The following NARS2 variants were observed in gnomAD, a reference collection of about 807,000 sequenced individuals.
NARS2 encodes asparaginyl-tRNA synthetase.
NARS2 carries 60 observed loss-of-function variants against 62.9 expected under a neutral mutation model. The ratio of observed to expected loss-of-function variants is 0.95; its 90% CI spans 0.77 to 1.18. The LOEUF (loss-of-function observed/expected upper bound fraction) is 1.18. NARS2 is among the 50% of genes most tolerant of loss of function. NARS2 has a pLI of 0.00. For missense variants in NARS2, 619 were observed against 576.4 expected, an observed-to-expected ratio of 1.07 and a Z score of -0.76; for synonymous variants, 196 against 200.0, an observed-to-expected ratio of 0.98 and a Z score of 0.17.
intron 11 of NARS2, among the ~76,000 whole-genome samples, chr11:78,460,792 G>A (rs955592261): frequency 1.3e-5 from 2 of 152,208 alleles, no homozygotes; most frequent in African/African-American, 2.4e-5. Context: ...GGCAGTCAAT[G>A]AGTCAGCCCT....
At chr11:78,539,023 A>AAAAAT (rs1483737480) in intron 5 of NARS2, among the ~76,000 whole-genome samples, 3 of 130,360 alleles carry the variant, frequency 2.3e-5, no homozygotes, top group African/African-American at 8.3e-5. Flanking sequence ...AAAAAAAAAA[A>AAAAAT]AAAGATGAGG....
intron 3 of NARS2, among the ~76,000 whole-genome samples, 174 bp downstream of exon 3, chr11:78,568,458 G>A (rs930758054): frequency 6.6e-6 from 1 of 151,952 alleles, no homozygotes; most frequent in African/African-American, 2.4e-5. Flanking sequence ...CTCTCACTAA[G>A]CTATGTACAT....
intron 5 of NARS2, among the ~76,000 whole-genome samples, chr11:78,541,510 T>G (rs1855621067): frequency 6.6e-6 from 1 of 152,108 alleles, no homozygotes; most frequent in Non-Finnish European, 1.5e-5. Context: ...ATTAAAATGC[T>G]TTTAATATTA....
intron 4 of NARS2, among the ~76,000 whole-genome samples, chr11:78,563,847 A>ATATATATAT (rs1390082108): frequency 1.5e-5 from 1 of 66,022 alleles, no homozygotes; most frequent in African/African-American, 6.0e-5. Flanking sequence ...AAAAAAAAAA[A>ATATATATAT]AAAAATATAT....
chr11:78,560,454 A>G (rs57445302), intron 4 of NARS2, among the ~76,000 whole-genome samples: 5,049 of 152,336 alleles, frequency 0.033, 281 homozygotes, highest in African/African-American at 0.11. Context: ...CACACAATGT[A>G]GATGTTTGCA....
intron 5 of NARS2, among the ~76,000 whole-genome samples, chr11:78,545,553 C>A (rs897621654): frequency 5.8e-5 from 8 of 138,898 alleles, no homozygotes; most frequent in African/African-American, 2.0e-4. Flanking sequence ...GAGACAGAGT[C>A]TTGCTCTGTC....
At chr11:78,511,457 C>A (rs1860717586) in intron 6 of NARS2, among the ~76,000 whole-genome samples, 1 of 152,116 alleles carries the variant, frequency 6.6e-6, no homozygotes, top group African/African-American at 2.4e-5. Context: ...GTGGCTTATG[C>A]CTGTAATCCC....
In NARS2 at chr11:78,436,451, C is replaced by T. The variant is rs1028076459; in HGVS notation, c.*219G>A. 4.4e-5 allele frequency: 22 copies of T among 502,174 alleles called. No individual in the cohort carries two copies. In the Middle Eastern group the frequency reaches 1.6e-3, roughly 37 times the overall value. The allele number at this position is 502,174 out of a possible 1,614,324, so 31.1% of individuals were successfully genotyped here. A position where few individuals can be genotyped will look rare whatever the true frequency, so the allele number is the denominator to read the frequency against. ...GGTAATGGATTTGAGAGTCCCCTTG[C>T]TATAAGTACCTCTTCTTGCGGGAGC... On this transcript the variant is annotated 3_prime_UTR_variant, in exon 14 of 14. Coordinates refer to ENST00000281038, the MANE Select transcript of NARS2 (RefSeq NM_024678.6).
intron 11 of NARS2, among the ~76,000 whole-genome samples, chr11:78,448,525 T>C (rs1449974938): frequency 7.2e-5 from 11 of 151,912 alleles, no homozygotes; most frequent in Admixed American, 7.2e-4. Context: ...CACCTGATCT[T>C]GAACCACGAG....
intron 6 of NARS2, among the ~76,000 whole-genome samples, chr11:78,508,420 C>G (rs943116804): frequency 6.6e-6 from 1 of 151,882 alleles, no homozygotes. Flanking sequence ...GAAACCCCGT[C>G]TCTACCAAAG....
chr11:78,530,019 C>T (rs1309063658), intron 5 of NARS2, among the ~76,000 whole-genome samples: 2 of 152,130 alleles, frequency 1.3e-5, no homozygotes, highest in Non-Finnish European at 2.9e-5. Context: ...TCTAAAAATA[C>T]TGCATATCAT....
At chr11:78,516,854 A>C (rs752588003) in intron 6 of NARS2, among the ~76,000 whole-genome samples, 5 of 152,216 alleles carry the variant, frequency 3.3e-5, no homozygotes, top group East Asian at 1.9e-4. Context: ...CAATCCCTAA[A>C]TTGAAAAGCT....
intron 6 of NARS2, among the ~76,000 whole-genome samples, chr11:78,521,020 C>A (rs1861096043): frequency 6.8e-6 from 1 of 146,320 alleles, no homozygotes; most frequent in African/African-American, 2.6e-5. Flanking sequence ...GTCAGTGCCA[C>A]TGCACTCCAG....
rs371573013 is a variant in NARS2, at chr11:78,473,307, T to C, written c.960-3994A>G. ...TATTTCAGTTCTAAGGTAACAGGTA[T>C]TTTCTTTCAACTATGTGAAGATACT... On this transcript the variant is annotated intron_variant, in intron 9 of 13. Transcript: ENST00000281038. Among the ~76,000 whole-genome samples the C allele has an allele frequency of 1.3e-4, 20 of 152,366 alleles. 1 individual carries two copies. The South Asian group carries it at 2.9e-3, about 22-fold the overall frequency.
chr11:78,454,407 T>C (rs1858079376), intron 11 of NARS2, among the ~76,000 whole-genome samples: 1 of 152,186 alleles, frequency 6.6e-6, no homozygotes, highest in Non-Finnish European at 1.5e-5. Context: ...TTAGTTCACA[T>C]GAGAACTGGT....
chr11:78,475,662 T>C (rs1377540025), intron 9 of NARS2, among the ~76,000 whole-genome samples: 1 of 146,582 alleles, frequency 6.8e-6, no homozygotes, highest in Non-Finnish European at 1.5e-5. Context: ...GCGTCTGTGA[T>C]CATAGCTCAC....
intron 4 of NARS2, among the ~76,000 whole-genome samples, chr11:78,563,958 G>A (rs1436811520): frequency 6.8e-6 from 1 of 147,030 alleles, no homozygotes; most frequent in Admixed American, 6.8e-5. Context: ...CTGGAGTGCA[G>A]TGGCGCAGTC....
chr11:78,476,022 T>C (rs906070760), intron 9 of NARS2, among the ~76,000 whole-genome samples: 4 of 152,338 alleles, frequency 2.6e-5, no homozygotes, highest in Non-Finnish European at 5.9e-5. Context: ...CATCTGTATC[T>C]TACACAAATG....
chr11:78,545,230 T>C (rs1455350750), intron 5 of NARS2, among the ~76,000 whole-genome samples: 2 of 152,218 alleles, frequency 1.3e-5, no homozygotes, highest in Non-Finnish European at 2.9e-5. Flanking sequence ...TATCTATATT[T>C]GGGAAAGAAA....
Sources: gnomAD v4.1 joint callset for allele counts (sites outside exome capture counted in the v4.1 genomes callset) on GRCh38, gnomAD v4.1.1 for gene constraint, MANE v1.5 for transcripts, NCBI Gene and HGNC (gene_info 2026-07-23, HGNC 2026-07-21) for gene names.